ZNF652: variants seen among roughly 807,000 people sequenced by gnomAD.
ZNF652 encodes the protein zinc finger protein 652.
A neutral mutation model predicts 45.2 loss-of-function variants in ZNF652; 16 were observed. That is an observed-to-expected ratio of 0.35 (90% confidence interval 0.24 to 0.54). The LOEUF is 0.54. Ranked by LOEUF, ZNF652 falls within the 20% of genes least tolerant of loss-of-function variation. ZNF652 has a pLI of 0.91. For missense variants in ZNF652, 614 were observed against 765.6 expected (o/e 0.80, Z 2.34); for synonymous variants, 250 against 260.6 (o/e 0.96, Z 0.39).
chr17:49,344,057 C>T (rs912719330), intron 1 of ZNF652, among the ~76,000 whole-genome samples: 6 of 151,912 alleles, frequency 3.9e-5, no homozygotes, highest in African/African-American at 9.7e-5. Flanking sequence ...AAAAATTAGC[C>T]GGGTGTGGTG....
intron 5 of ZNF652, among the ~76,000 whole-genome samples, chr17:49,311,081 A>G (rs2069704709): frequency 1.3e-5 from 2 of 152,246 alleles, no homozygotes; most frequent in South Asian, 4.1e-4. Flanking sequence ...TTGTCTTAAA[A>G]GAGCTCAAAG....
chr17:49,299,272 T>A (rs2069519890), intron 5 of ZNF652, among the ~76,000 whole-genome samples: 1 of 152,206 alleles, frequency 6.6e-6, no homozygotes, highest in Admixed American at 6.5e-5. Context: ...TTAGTGATCC[T>A]CTACATCCTA....
intron 1 of ZNF652, among the ~76,000 whole-genome samples, chr17:49,334,208 T>A (rs1329819402): frequency 2.0e-5 from 3 of 152,172 alleles, no homozygotes; most frequent in Non-Finnish European, 4.4e-5. Flanking sequence ...AAGTCAGGTG[T>A]AGTGGCTCAT....
rs2069923107 is a variant in ZNF652, at chr17:49,323,662, G to T, written c.-258-5679C>A. On this transcript the variant is annotated intron_variant, in intron 1 of 5. Transcript: ENST00000430262. ...AGGTAAAAATTACTCATTGATCCAT[G>T]GGCCACAGAATGAATGTTAAATTAT... is the stretch of plus-strand genomic sequence containing the variant. Among the ~76,000 whole-genome samples, 3 of 152,144 alleles carry T rather than the reference G, an allele frequency of 2.0e-5. No homozygotes were observed. In the South Asian group the frequency reaches 6.2e-4, roughly 32 times the overall value.
chr17:49,312,159 C>CTTTTTTTTTT (rs34553823), intron 3 of ZNF652, 117 bp from the exon 4 acceptor site: 3 of 133,728 alleles, frequency 2.2e-5, no homozygotes, highest in African/African-American at 4.9e-5. Context: ...ATTTGTGAGG[C>CTTTTTTTTTT]TTTTTTTTTT....
At position 49,358,033 on chromosome 17, in the gene ZNF652, C is replaced by T. The variant is rs575330436; in HGVS notation, c.-259+3876G>A. Among the ~76,000 whole-genome samples, 3 of 152,312 alleles carry T rather than the reference C, an allele frequency of 2.0e-5. No individual in the cohort carries two copies. In the East Asian group the frequency reaches 5.8e-4, roughly 29 times the overall value. ...TCTGTAGTTTTACTCCAACATGCTC[C>T]ATATCCTAACATGTATTGAGTCTCT... On this transcript the variant is annotated intron_variant, in intron 1 of 5. Coordinates refer to ENST00000430262, the MANE Select transcript of ZNF652 (RefSeq NM_001145365.3).
At chr17:49,327,777 A>G (rs1389569171) in intron 1 of ZNF652, among the ~76,000 whole-genome samples, 4 of 2,174 alleles carry the variant, frequency 1.8e-3, no homozygotes, top group African/African-American at 5.7e-3. Flanking sequence ...ATATATATAT[A>G]TATTTTTTTT....
At chr17:49,331,650 TAAAAAAATAAA>T (rs869098605) in intron 1 of ZNF652, among the ~76,000 whole-genome samples, 1 of 7,816 alleles carries the variant, frequency 1.3e-4, no homozygotes, top group East Asian at 1.9e-3. Context: ...TTATAAAAAA[TAAAAAAATAAA>T]AAAATAAAAA....
chr17:49,302,160 G>A (rs1277691938), intron 5 of ZNF652, among the ~76,000 whole-genome samples: 4 of 151,922 alleles, frequency 2.6e-5, no homozygotes, highest in Non-Finnish European at 5.9e-5. Flanking sequence ...AAGCTGAGGT[G>A]GGAGAATCAC....
Position 49,317,056 on chromosome 17 carries a change from T to G in ZNF652, c.670A>C (p.Lys224Gln). 1 of 1,614,192 alleles carries G rather than the reference T, an allele frequency of 6.2e-7. No individual in the cohort carries two copies. The highest frequency in any genetic ancestry group is 8.5e-7 in the Non-Finnish European group (1 of 1,180,034). The change falls in exon 2 of 6, where the codon AAG becomes CAG. Residue 224 changes from lysine to glutamine, a missense_variant. Physicochemically the swap from Lys to Gln is moderately conservative, Grantham distance 53. Around this residue, in one of 5 missense-constraint regions of ZNF652, gnomAD observed 262 missense variants for 306.3 expected, o/e 0.86. Coordinates refer to ENST00000430262, the MANE Select transcript of ZNF652 (RefSeq NM_001145365.3). ...RKSVEPPKRK[K>Q]RATKEPKAPV... ...GCTTTGGGCTCCTTTGTGGCCCGCT[T>G]CTTACGCTTAGGTGGCTCTACACTC...
intron 1 of ZNF652, among the ~76,000 whole-genome samples, chr17:49,323,807 A>T (rs373303742): frequency 6.6e-6 from 1 of 152,342 alleles, no homozygotes; most frequent in East Asian, 1.9e-4. Flanking sequence ...GCAGTAGGTT[A>T]TAACAGTGGG....
At chr17:49,299,781 A>C (rs375106038) in intron 5 of ZNF652, among the ~76,000 whole-genome samples, 1 of 151,056 alleles carries the variant, frequency 6.6e-6, no homozygotes, top group East Asian at 1.9e-4. Context: ...GGCTCAAGCA[A>C]TCCTCCCAGC....
At chr17:49,350,980 T>C (rs1176327999) in intron 1 of ZNF652, among the ~76,000 whole-genome samples, 3 of 18,418 alleles carry the variant, frequency 1.6e-4, no homozygotes, top group South Asian at 1.3e-3. Context: ...CATATATATA[T>C]ATATATATAT....
chr17:49,300,415 AGG>A (rs2069536691), intron 5 of ZNF652, among the ~76,000 whole-genome samples: 12 of 152,306 alleles, frequency 7.9e-5, no homozygotes, highest in African/African-American at 2.6e-4. Context: ...GCATTTAGAA[AGG>A]AAATTACGTT....
At chr17:49,319,266 T>C (rs76366926) in intron 1 of ZNF652, among the ~76,000 whole-genome samples, 8,579 of 152,210 alleles carry the variant, frequency 0.056, 328 homozygotes, top group Middle Eastern at 0.14. Flanking sequence ...ACATAGGCAC[T>C]ATAATAGTTT....
chr17:49,289,151 C>G (rs1321175034), downstream of ZNF652: 1 of 151,464 alleles, frequency 6.6e-6, no homozygotes, highest in African/African-American at 2.4e-5. Context: ...CCAGGGGGAC[C>G]TCAAAATGTT....
chr17:49,361,484 G>A (rs2070393153), intron 1 of ZNF652, among the ~76,000 whole-genome samples: 1 of 152,206 alleles, frequency 6.6e-6, no homozygotes, highest in Non-Finnish European at 1.5e-5. Context: ...TTGGAGGTTT[G>A]GGTGCAACCG....
At chr17:49,304,906 A>ACG (rs370227458) in intron 5 of ZNF652, among the ~76,000 whole-genome samples, 6,597 of 151,288 alleles carry the variant, frequency 0.044, 215 homozygotes, top group African/African-American at 0.087. Flanking sequence ...ACACACACAC[A>ACG]TACATATATA....
intron 5 of ZNF652, among the ~76,000 whole-genome samples, chr17:49,307,435 G>GAAAAAAAAAAAAAA (rs1175854049): frequency 2.5e-5 from 1 of 40,482 alleles, no homozygotes; most frequent in African/African-American, 9.6e-5. Flanking sequence ...TGTCTCAAAA[G>GAAAAAAAAAAAAAA]AAAAAAAAAA....
Sources: allele counts gnomAD v4.1 joint callset (sites outside exome capture counted in the v4.1 genomes callset), GRCh38; gene constraint gnomAD v4.1.1; regional missense constraint gnomAD v4.1.1; transcripts MANE v1.5; gene names NCBI Gene and HGNC (gene_info 2026-07-23, HGNC 2026-07-21).